The following TNPO2 variants were observed in gnomAD, a reference collection of about 807,000 sequenced individuals.
TNPO2 encodes transportin 2.
Under a neutral mutation model 111.1 loss-of-function variants are expected in TNPO2, and 16 were observed. The observed-to-expected ratio is 0.14, with a 90% CI of 0.10 to 0.22. The LOEUF is 0.22. Ranked by LOEUF, TNPO2 falls within the 10% of genes least tolerant of loss-of-function variation. The pLI is 1.00. For synonymous variants in TNPO2, 481 were observed against 475.8 expected (o/e 1.01, Z -0.14); for missense variants, 530 against 1,173.7 (o/e 0.45, Z 8.01).
intron 10 of TNPO2, among the ~76,000 whole-genome samples, chr19:12,712,203 A>C (rs2026096899): frequency 6.6e-6 from 1 of 152,220 alleles, no homozygotes; most frequent in African/African-American, 2.4e-5. Context: ...GGACAGGGCC[A>C]CCAGAGGGCT....
chr19:12,712,811 A>G (rs1446631983), intron 10 of TNPO2, among the ~76,000 whole-genome samples: 1 of 152,098 alleles, frequency 6.6e-6, no homozygotes, highest in African/African-American at 2.4e-5. Flanking sequence ...CCCCGGGCCC[A>G]GCTGCCTTTT....
chr19:12,718,221 A>G lies in TNPO2; in HGVS notation c.325+808T>C, dbSNP rs370836659. 2.3e-4 allele frequency among the ~76,000 whole-genome samples: 35 copies of G among 150,316 alleles called. No homozygotes were observed. In the East Asian group the frequency reaches 6.0e-3, roughly 26 times the overall value. Reference sequence around the variant, plus strand: ...TCGTTGTATTGCCAGGCTGGAGTGCAGTGGCGCCATCTCGCCTCACTGTAA... The same window carrying G: ...TCGTTGTATTGCCAGGCTGGAGTGCGGTGGCGCCATCTCGCCTCACTGTAA... On this transcript the variant is annotated intron_variant, in intron 5 of 25. Coordinates refer to ENST00000425528, the MANE Select transcript of TNPO2 (RefSeq NM_001382241.1).
In TNPO2 at chr19:12,706,935, A is replaced by G. The variant is rs1407744820; in HGVS notation, c.1271-140T>C. 6 of 721,358 alleles carry G rather than the reference A, an allele frequency of 8.3e-6. No individual in the cohort carries two copies. The highest frequency in any genetic ancestry group is 5.8e-4 in the Middle Eastern group (2 of 3,422). 44.7% of individuals were successfully genotyped at this position (721,358 alleles called of 1,614,324 possible). ...AATCACTGGCCCAGACTCATTTCAC[A>G]GAGCCAGGTAAAGGCAGGCACAGGA... is the stretch of plus-strand genomic sequence containing the variant. On this transcript the variant is annotated intron_variant, in intron 13 of 25. Coordinates refer to ENST00000425528, the MANE Select transcript of TNPO2 (RefSeq NM_001382241.1). This position sits in a 1 kb window ranked among gnomAD's most constrained non-coding sequence, Gnocchi z 7.0.
Position 12,721,075 on chromosome 19 carries a change from G to A in TNPO2, c.-13-85C>T. On this transcript the variant is annotated intron_variant, in intron 2 of 25. Transcript: ENST00000425528. The surrounding 1 kb of genome is among the most constrained non-coding windows in gnomAD (Gnocchi z 4.9). ...TGGAGCCCCTGAGGCCGCGGTGGCC[G>A]CATGACGACGGGAACGCCCTCGGCG... The A allele has an allele frequency of 6.5e-7, 1 of 1,530,630 alleles. No homozygotes were observed. Among genetic ancestry groups the A allele is most frequent in the Admixed American group, 2.0e-5 (1 of 50,706 alleles). The allele number at this position is 1,530,630 out of a possible 1,614,324, so 94.8% of individuals were successfully genotyped here.
intron 10 of TNPO2, among the ~76,000 whole-genome samples, chr19:12,713,093 A>G (rs907707736): frequency 6.6e-6 from 1 of 152,218 alleles, no homozygotes; most frequent in African/African-American, 2.4e-5. Context: ...TCAGTGGATT[A>G]TAGACCCCTG....
chr19:12,717,745 T>C (rs942781776), intron 5 of TNPO2, among the ~76,000 whole-genome samples: 1 of 152,068 alleles, frequency 6.6e-6, no homozygotes, highest in East Asian at 1.9e-4. Flanking sequence ...GGCATTATCT[T>C]GGCTTACTGC....
chr19:12,699,937 A>G lies in TNPO2; in HGVS notation c.*1327T>C, dbSNP rs1392728676. On this transcript the variant is annotated 3_prime_UTR_variant, in exon 26 of 26. Transcript: ENST00000425528. ...AAAGCAGGGAAGGAAAAAAAGGGAA[A>G]AAATGCTAAGGGGGTCTGCAAGGCC... The G allele has an allele frequency of 6.6e-6, 1 of 152,414 alleles. No homozygotes were observed. The highest frequency in any genetic ancestry group is 2.4e-5 in the African/African-American group (1 of 41,450). 9.4% of individuals were successfully genotyped at this position (152,414 alleles called of 1,614,324 possible). A position where few individuals can be genotyped will look rare whatever the true frequency, so the allele number is the denominator to read the frequency against.
In TNPO2 at chr19:12,701,736, G is replaced by T; in HGVS notation, c.2511+16C>A. ...CCCAGCGCCCGCGCCTGCCCTCAGAGCCCAGCTGCCCCAACCTGCACAACG... is the reference window on the plus strand; with the variant it reads ...CCCAGCGCCCGCGCCTGCCCTCAGATCCCAGCTGCCCCAACCTGCACAACG... On this transcript the variant is annotated intron_variant, in intron 23 of 25. Transcript: ENST00000425528. This position sits in a 1 kb window ranked among gnomAD's most constrained non-coding sequence, Gnocchi z 5.0. The T allele has an allele frequency of 1.9e-6, 3 of 1,613,348 alleles. No individual in the cohort carries two copies. The highest frequency in any genetic ancestry group is 2.5e-6 in the Non-Finnish European group (3 of 1,179,474).
At chr19:12,707,162 G>C (rs898841586) in intron 13 of TNPO2, among the ~76,000 whole-genome samples, 2 of 151,800 alleles carry the variant, frequency 1.3e-5, no homozygotes, top group African/African-American at 2.4e-5. Flanking sequence ...AATGCCCGGG[G>C]AATTTTTTAT....
rs2025705374 is a variant in TNPO2 at position 12,706,878 on chromosome 19, C to T, written c.1271-83G>A. 2 of 1,161,642 alleles carry T rather than the reference C, an allele frequency of 1.7e-6. No individual in the cohort carries two copies. The highest frequency in any genetic ancestry group is 2.5e-6 in the Non-Finnish European group (2 of 802,714). 72.0% of individuals were successfully genotyped at this position (1,161,642 alleles called of 1,614,324 possible). A position where few individuals can be genotyped will look rare whatever the true frequency, so the allele number is the denominator to read the frequency against. On this transcript the variant is annotated intron_variant, in intron 13 of 25. Transcript: ENST00000425528. This position sits in a 1 kb window ranked among gnomAD's most constrained non-coding sequence, Gnocchi z 7.0. ...TATGGAGAGAAGAGTCAGCCGCACACAACATATAGGGAAACTGAGGCTTAG... is the reference window on the plus strand; with the variant it reads ...TATGGAGAGAAGAGTCAGCCGCACATAACATATAGGGAAACTGAGGCTTAG...
Position 12,705,447 on chromosome 19 carries a change from G to A in TNPO2, c.1863+45C>T, listed in dbSNP as rs1454070684. The A allele has an allele frequency of 2.5e-6, 4 of 1,574,258 alleles. No individual in the cohort carries two copies. Among genetic ancestry groups the A allele is most frequent in the Non-Finnish European group, 3.4e-6 (4 of 1,159,788 alleles). ...CACGGGTAAGTGGAGCAGGCCCGAG[G>A]CAGGCCAATGCAGAAGCACAGGTGA... On this transcript the variant is annotated intron_variant, in intron 17 of 25. Coordinates refer to ENST00000425528, the MANE Select transcript of TNPO2 (RefSeq NM_001382241.1). This position sits in a 1 kb window ranked among gnomAD's most constrained non-coding sequence, Gnocchi z 7.2.
intron 10 of TNPO2, among the ~76,000 whole-genome samples, chr19:12,713,044 C>G (rs921582343): frequency 1.3e-5 from 2 of 152,202 alleles, no homozygotes; most frequent in African/African-American, 4.8e-5. Flanking sequence ...AGCCATGGCA[C>G]TCAGCCTGCA....
chr19:12,714,100 G>T (rs2026228675), intron 10 of TNPO2, among the ~76,000 whole-genome samples: 2 of 152,104 alleles, frequency 1.3e-5, no homozygotes, highest in Admixed American at 6.6e-5. Context: ...TCAGTTTTAG[G>T]ACTTTTGTTG....
At position 12,702,381 on chromosome 19, in the gene TNPO2, CTTTTTGTTTT is replaced by C. The variant is rs530851970; in HGVS notation, c.2306-214_2306-205del. 260 of 691,286 alleles carry C rather than the reference CTTTTTGTTTT, an allele frequency of 3.8e-4. 2 individuals carry two copies. The highest frequency in any genetic ancestry group is 3.7e-3 in the South Asian group (245 of 66,338). The allele number at this position is 691,286 out of a possible 1,614,324, so 42.8% of individuals were successfully genotyped here. On this transcript the variant is annotated intron_variant, in intron 21 of 25. Transcript: ENST00000425528. The surrounding 1 kb of genome is among the most constrained non-coding windows in gnomAD (Gnocchi z 5.5). ...TCTTTCTTTCTTTCCTTTCCCTTTC[CTTTTTGTTTT>C]TTTTTGTTTTGTTTTGTTTTTGAGA...
At position 12,699,238 on chromosome 19, in the gene TNPO2, A is replaced by G. The variant is rs1200610780; in HGVS notation, c.*2026T>C. ...TGATCTTTACTCAACAAAGTTCTAC[A>G]CAAGTGGAATCTCACGCCACCTCGG... On this transcript the variant is annotated 3_prime_UTR_variant, in exon 26 of 26. Coordinates refer to ENST00000425528, the MANE Select transcript of TNPO2 (RefSeq NM_001382241.1). 6 of 442,482 alleles carry G rather than the reference A, an allele frequency of 1.4e-5. No individual in the cohort carries two copies. The highest frequency in any genetic ancestry group is 2.5e-5 in the Admixed American group (1 of 40,616). 27.4% of individuals were successfully genotyped at this position (442,482 alleles called of 1,614,324 possible).
chr19:12,712,254 G>A (rs1431904884), intron 10 of TNPO2, among the ~76,000 whole-genome samples: 5 of 152,182 alleles, frequency 3.3e-5, no homozygotes, highest in South Asian at 2.1e-4. Flanking sequence ...GAAGACGCCC[G>A]TTACCAGGCG....
chr19:12,702,000 A>G lies in TNPO2; in HGVS notation c.2411+72T>C. Reference sequence around the variant, plus strand: ...GAGTCAGTAGGCAGATGGGGCTGGAAATGCACAGGCGAGGGAGGGGGTTGG... The same window carrying G: ...GAGTCAGTAGGCAGATGGGGCTGGAGATGCACAGGCGAGGGAGGGGGTTGG... On this transcript the variant is annotated intron_variant, in intron 22 of 25. Transcript: ENST00000425528. This position sits in a 1 kb window ranked among gnomAD's most constrained non-coding sequence, Gnocchi z 5.0. 5 of 1,507,942 alleles carry G rather than the reference A, an allele frequency of 3.3e-6. No homozygotes were observed. The highest frequency in any genetic ancestry group is 4.6e-6 in the Non-Finnish European group (5 of 1,084,846). The allele number at this position is 1,507,942 out of a possible 1,614,324, so 93.4% of individuals were successfully genotyped here.
At chr19:12,722,571 A>G (rs1236160732) in intron 2 of TNPO2, 1 of 150,046 alleles carries the variant, frequency 6.7e-6, no homozygotes, top group African/African-American at 2.5e-5. Context: ...TAAAAAAAAA[A>G]AAAAAAAAAA....
Position 12,721,117 on chromosome 19 carries a change from C to G in TNPO2, c.-13-127G>C, listed in dbSNP as rs1390230371. ...CCCTCGGCGGACAGGCGGAGGCCTC[C>G]GATCCACGCCCGCCCAAGTGCGGGG... On this transcript the variant is annotated intron_variant, in intron 2 of 25. Transcript: ENST00000425528. This position sits in a 1 kb window ranked among gnomAD's most constrained non-coding sequence, Gnocchi z 4.9. 6.0e-6 allele frequency: 9 copies of G among 1,505,248 alleles called. No individual in the cohort carries two copies. The highest frequency in any genetic ancestry group is 5.7e-5 in the African/African-American group (4 of 70,266). The allele number at this position is 1,505,248 out of a possible 1,614,324, so 93.2% of individuals were successfully genotyped here.
Sources: allele counts gnomAD v4.1 joint callset (sites outside exome capture counted in the v4.1 genomes callset), GRCh38; gene constraint gnomAD v4.1.1; non-coding constraint Gnocchi (gnomAD v3.1); transcripts MANE v1.5; gene names NCBI Gene and HGNC (gene_info 2026-07-23, HGNC 2026-07-21).